TRPA1: variants seen among roughly 807,000 people sequenced by gnomAD.
TRPA1 encodes the protein ankyrin-like with transmembrane domains 1.
TRPA1 carries 129 observed loss-of-function variants against 131.3 expected under a neutral mutation model. That is an observed-to-expected ratio of 0.98 (90% CI 0.85 to 1.14). The LOEUF (loss-of-function observed/expected upper bound fraction) is 1.14, where lower values mean the gene tolerates loss of function less well. TRPA1 is among the 50% of genes most tolerant of loss of function. The pLI is 0.00. For missense variants in TRPA1, 1,304 were observed against 1,354.2 expected, an observed-to-expected ratio of 0.96 and a Z score of 0.58; for synonymous variants, 441 against 451.7, an observed-to-expected ratio of 0.98 and a Z score of 0.30.
In TRPA1 at chr8:72,070,910, C is replaced by A. The variant is rs192941833; in HGVS notation, c.268+801G>T. Among the ~76,000 whole-genome samples, 98 of 152,310 alleles carry A rather than the reference C, an allele frequency of 6.4e-4. 1 individual carries two copies. The highest frequency in any genetic ancestry group is 2.4e-4 in the Non-Finnish European group (16 of 68,042). Reference sequence around the variant, plus strand: ...TCACTGTGACCAAATCTCATACCTTCGCACTCACTTCCTTTCTGTTTTCTC... The same window carrying A: ...TCACTGTGACCAAATCTCATACCTTAGCACTCACTTCCTTTCTGTTTTCTC... On this transcript the variant is annotated intron_variant, in intron 2 of 26. Coordinates refer to ENST00000262209, the MANE Select transcript of TRPA1 (RefSeq NM_007332.3).
chr8:72,074,957 C>T (rs1218483556), intron 1 of TRPA1, among the ~76,000 whole-genome samples: 2 of 152,184 alleles, frequency 1.3e-5, no homozygotes, highest in East Asian at 3.9e-4. Flanking sequence ...ACAAAATCTA[C>T]GGAAAGGTCC....
intron 17 of TRPA1, among the ~76,000 whole-genome samples, chr8:72,043,953 A>C (rs2129434407): frequency 6.6e-6 from 1 of 151,964 alleles, no homozygotes; most frequent in East Asian, 1.9e-4. Flanking sequence ...CTTCATTTTA[A>C]CAAGAACCAC....
In TRPA1 at chr8:72,033,676, T is replaced by C; in HGVS notation, c.2836A>G (p.Ile946Val). 6.2e-7 allele frequency: 1 copy of C among 1,613,982 alleles called. No individual in the cohort carries two copies. Among genetic ancestry groups the C allele is most frequent in the Non-Finnish European group, 8.5e-7 (1 of 1,179,946 alleles). ...TTCATGAGGACAATTGGGACAAATA[T>C]TGTGAAGGAAACAAGTTGTGCAAAG... Reference protein sequence around the residue: ...LSFAQLVSFTIFVPIVLMNLL... With the variant: ...LSFAQLVSFTVFVPIVLMNLL... The change falls in exon 23 of 27, where the codon ATA becomes GTA. Residue 946 changes from isoleucine (I) to valine (V), a missense_variant. Physicochemically the swap from Ile to Val is conservative, Grantham distance 29. Transcript: ENST00000262209.
Position 72,021,494 on chromosome 8 carries a change from A to G in TRPA1, c.*1412T>C, listed in dbSNP as rs1428049876. 6.6e-6 allele frequency: 1 copy of G among 152,234 alleles called. No homozygotes were observed. Among genetic ancestry groups the G allele is most frequent in the Admixed American group, 6.5e-5 (1 of 15,272 alleles). The allele number at this position is 152,234 out of a possible 1,614,324, so 9.4% of individuals were successfully genotyped here. The stretch of plus-strand genomic sequence containing the variant: ...AATATAAAGAACAAAGATATTATTC[A>G]TATCAAAGATTAAGGTATATGCAAC... On this transcript the variant is annotated 3_prime_UTR_variant, in exon 27 of 27. Coordinates refer to ENST00000262209, the MANE Select transcript of TRPA1 (RefSeq NM_007332.3).
chr8:72,069,129 C>T lies in TRPA1; in HGVS notation c.338G>A (p.Ser113Asn), dbSNP rs1255590149. ...TCCTCTGCTGAGAAGAAACTTAACGCTTTCAATTTGGTTTTTTTCTACAGC... is the reference window on the plus strand; with the variant it reads ...TCCTCTGCTGAGAAGAAACTTAACGTTTTCAATTTGGTTTTTTTCTACAGC... ...HCAVEKNQIE[S>N]VKFLLSRGAN... The change falls in exon 3 of 27, where the codon AGC (serine) becomes AAC (asparagine). Residue 113 changes from serine (S) to asparagine (N), a missense_variant. Physicochemically the swap from Ser to Asn is conservative, Grantham distance 46. Transcript: ENST00000262209. 1.9e-6 allele frequency: 3 copies of T among 1,614,206 alleles called. No individual in the cohort carries two copies. Among genetic ancestry groups the T allele is most frequent in the East Asian group, 2.2e-5 (1 of 44,886 alleles).
the TRPA1 span, among the ~76,000 whole-genome samples, chr8:72,084,646 A>ATTT: frequency 5.3e-5 from 6 of 113,464 alleles, no homozygotes; most frequent in Admixed American, 8.4e-5. Context: ...TTAAAATGAT[A>ATTT]ATTTTTTTTT....
At chr8:72,088,366 C>CTTTTTTTTTT in the TRPA1 span, among the ~76,000 whole-genome samples, 18 of 81,216 alleles carry the variant, frequency 2.2e-4, no homozygotes, top group Admixed American at 4.5e-4. Flanking sequence ...TCTTTGAAAA[C>CTTTTTTTTTT]TTTTTTTTTT....
At position 72,027,601 on chromosome 8, in the gene TRPA1, A is replaced by G. The variant is rs114479245; in HGVS notation, c.2938-1528T>C. 2.6e-3 allele frequency among the ~76,000 whole-genome samples: 393 copies of G among 152,158 alleles called. 4 individuals carry two copies. The highest frequency in any genetic ancestry group is 8.6e-3 in the African/African-American group (356 of 41,512). On this transcript the variant is annotated intron_variant, in intron 24 of 26. Transcript: ENST00000262209. ...GAAGAACTGACAGTCCCCATAAAGA[A>G]CCCATCTCCCAGCATGCATTGTCCC... is the stretch of plus-strand genomic sequence containing the variant.
chr8:72,079,740 T>C (rs1381527620), upstream of TRPA1, among the ~76,000 whole-genome samples: 2 of 151,854 alleles, frequency 1.3e-5, no homozygotes, highest in Non-Finnish European at 3.0e-5. Context: ...AGTCTATAGA[T>C]TGATTTGGTG....
At chr8:72,073,744 T>G (rs1277247772) in intron 1 of TRPA1, among the ~76,000 whole-genome samples, 2 of 152,212 alleles carry the variant, frequency 1.3e-5, no homozygotes, top group Non-Finnish European at 2.9e-5. Flanking sequence ...CGCTAGAAAA[T>G]AAAACCACAT....
intron 17 of TRPA1, among the ~76,000 whole-genome samples, chr8:72,045,537 G>A (rs1413930735): frequency 6.7e-6 from 1 of 148,670 alleles, no homozygotes; most frequent in Non-Finnish European, 1.5e-5. Flanking sequence ...TTTAAGTTAG[G>A]AAGCCACATG....
Position 72,037,983 on chromosome 8 carries a change from C to T in TRPA1, c.2385G>A (p.Gln795=). ...TAGAGATACAAAATGTATTACATAC[C>T]TGTTGGAAAATTTGCCCCGCTTCTT... The part of the protein sequence containing the change: ...YCKEAGQIFQ[Q]KRNYFMDISN... Residue 795 remains glutamine (Q), a splice_region_variant and synonymous_variant, in exon 20 of 27, where the codon CAG becomes CAA. Coordinates refer to ENST00000262209, the MANE Select transcript of TRPA1 (RefSeq NM_007332.3). 2 of 1,573,396 alleles carry T rather than the reference C, an allele frequency of 1.3e-6. No individual in the cohort carries two copies. Among genetic ancestry groups the T allele is most frequent in the Non-Finnish European group, 1.7e-6 (2 of 1,144,268 alleles).
At chr8:72,067,611 C>T (rs372906451) in intron 3 of TRPA1, among the ~76,000 whole-genome samples, 6 of 152,274 alleles carry the variant, frequency 3.9e-5, no homozygotes, top group African/African-American at 1.2e-4. Flanking sequence ...CACACTTTCA[C>T]GGCCAATATT....
rs1426534845 is a variant in TRPA1 at position 72,021,942 on chromosome 8, C to T, written c.*964G>A. ...ACAGACTCAAAACAACACTGTACAA[C>T]ATAACACAAGGACACATACATAGCC... On this transcript the variant is annotated 3_prime_UTR_variant, in exon 27 of 27. Transcript: ENST00000262209. 1 of 152,138 alleles carries T rather than the reference C, an allele frequency of 6.6e-6. No homozygotes were observed. Among genetic ancestry groups the T allele is most frequent in the African/African-American group, 2.4e-5 (1 of 41,432 alleles). 9.4% of individuals were successfully genotyped at this position (152,138 alleles called of 1,614,324 possible). A position where few individuals can be genotyped will look rare whatever the true frequency, so the allele number is the denominator to read the frequency against.
At chr8:72,056,781 A>G in intron 10 of TRPA1, 136 bp downstream of exon 10, 1 of 699,994 alleles carries the variant, frequency 1.4e-6, no homozygotes, top group Non-Finnish European at 2.5e-6. Flanking sequence ...AAATAGTCAA[A>G]TATGTCATCT....
intron 1 of TRPA1, among the ~76,000 whole-genome samples, chr8:72,075,079 C>T (rs1806142530): frequency 6.6e-6 from 1 of 152,144 alleles, no homozygotes; most frequent in South Asian, 2.1e-4. Context: ...AGTTGCCCGT[C>T]CAGGAGCAAG....
chr8:72,088,911 A>T, the TRPA1 span, among the ~76,000 whole-genome samples: 1 of 152,300 alleles, frequency 6.6e-6, no homozygotes, highest in East Asian at 1.9e-4. Context: ...GTGACTATTA[A>T]TGCAATTAAT....
chr8:72,022,553 A>G lies in TRPA1; in HGVS notation c.*353T>C. On this transcript the variant is annotated 3_prime_UTR_variant, in exon 27 of 27. Coordinates refer to ENST00000262209, the MANE Select transcript of TRPA1 (RefSeq NM_007332.3). Reference sequence around the variant, plus strand: ...ACATATTATGTAATTAACAAGCAGGAATTCAGTACTGACATTTGCATTTTA... The same window carrying G: ...ACATATTATGTAATTAACAAGCAGGGATTCAGTACTGACATTTGCATTTTA... The G allele has an allele frequency of 2.8e-6, 1 of 361,966 alleles. No individual in the cohort carries two copies. Among genetic ancestry groups the G allele is most frequent in the South Asian group, 2.4e-5 (1 of 42,186 alleles). 22.4% of individuals were successfully genotyped at this position (361,966 alleles called of 1,614,324 possible).
At chr8:72,029,316 G>A (rs1201815489) in intron 24 of TRPA1, among the ~76,000 whole-genome samples, 1 of 152,062 alleles carries the variant, frequency 6.6e-6, no homozygotes, top group African/African-American at 2.4e-5. Flanking sequence ...TAGCTACCTG[G>A]GTGGCCACAT....
Sources: gnomAD v4.1 joint callset for allele counts (sites outside exome capture counted in the v4.1 genomes callset) on GRCh38, gnomAD v4.1.1 for gene constraint, MANE v1.5 for transcripts, NCBI Gene and HGNC (gene_info 2026-07-23, HGNC 2026-07-21) for gene names.